Variants in ARHGAP28 observed in about 807,000 individuals in gnomAD.
ARHGAP28 encodes rho GTPase-activating protein 28.
In ARHGAP28, 56 loss-of-function variants were observed where a neutral mutation model predicts 90.7. That is an observed-to-expected ratio of 0.62 (90% CI 0.50 to 0.77). The LOEUF is 0.77. ARHGAP28 is among the 30% of genes least tolerant of loss of function. The pLI, the probability that ARHGAP28 is intolerant of heterozygous loss-of-function variation, is 0.00. For missense variants in ARHGAP28, 869 were observed against 900.9 expected, an observed-to-expected ratio of 0.96 and a Z score of 0.45; for synonymous variants, 308 against 323.3, an observed-to-expected ratio of 0.95 and a Z score of 0.51.
At chr18:6,897,243 T>C (rs1049348722) in intron 16 of ARHGAP28, 2 of 152,250 alleles carry the variant, frequency 1.3e-5, no homozygotes, top group Admixed American at 6.5e-5. Context: ...AATGAAAATA[T>C]AGCAAGTTAG....
intron 14 of ARHGAP28, among the ~76,000 whole-genome samples, chr18:6,892,186 T>A (rs2057271417): frequency 1.3e-5 from 2 of 152,210 alleles, no homozygotes; most frequent in Non-Finnish European, 2.9e-5. Context: ...TCAGTGTGTT[T>A]GAGTATATTC....
intron 1 of ARHGAP28, chr18:6,788,987 G>C (rs994592054): frequency 5.9e-5 from 9 of 152,156 alleles, no homozygotes; most frequent in African/African-American, 2.2e-4. Context: ...AAGGAGTAAT[G>C]ACATTTGAAT....
chr18:6,824,057 C>T (rs543528545), intron 1 of ARHGAP28, among the ~76,000 whole-genome samples: 1 of 152,264 alleles, frequency 6.6e-6, no homozygotes, highest in South Asian at 2.1e-4. Context: ...TAATAATAAC[C>T]ACCTAATGGT....
intron 1 of ARHGAP28, among the ~76,000 whole-genome samples, chr18:6,777,664 G>A (rs2056294788): frequency 6.6e-6 from 1 of 152,210 alleles, no homozygotes; most frequent in South Asian, 2.1e-4. Flanking sequence ...GGTCAAGGCT[G>A]CAGTGATCTA....
At chr18:6,794,140 A>G (rs531091965) in intron 1 of ARHGAP28, among the ~76,000 whole-genome samples, 61 of 152,322 alleles carry the variant, frequency 4.0e-4, no homozygotes, top group African/African-American at 1.4e-3. Flanking sequence ...TAGCTGCCAC[A>G]TTTGTTCTGT....
intron 4 of ARHGAP28, among the ~76,000 whole-genome samples, chr18:6,855,618 A>C (rs1054334166): frequency 2.6e-5 from 4 of 152,236 alleles, no homozygotes; most frequent in African/African-American, 9.6e-5. Flanking sequence ...CTGTAACATA[A>C]ACAGGGCTGA....
chr18:6,831,331 A>G (rs1226373674), intron 2 of ARHGAP28, among the ~76,000 whole-genome samples: 1 of 152,072 alleles, frequency 6.6e-6, no homozygotes, highest in Non-Finnish European at 1.5e-5. Flanking sequence ...TTTGTCAGAT[A>G]TATGTATTGC....
chr18:6,779,583 C>A (rs1354722984), intron 1 of ARHGAP28, among the ~76,000 whole-genome samples: 1 of 152,200 alleles, frequency 6.6e-6, no homozygotes, highest in Non-Finnish European at 1.5e-5. Context: ...TACAGGTATA[C>A]CCCGATCTCC....
intron 1 of ARHGAP28, chr18:6,789,884 G>A (rs1202141586): frequency 2.0e-5 from 3 of 151,522 alleles, no homozygotes; most frequent in East Asian, 1.9e-4. Flanking sequence ...CTAAAGCACA[G>A]TGGCATGATC....
At chr18:6,820,680 T>A (rs2056620862) in intron 1 of ARHGAP28, among the ~76,000 whole-genome samples, 1 of 152,178 alleles carries the variant, frequency 6.6e-6, no homozygotes. Context: ...ATCAAAGAAT[T>A]GTAACTGACT....
intron 16 of ARHGAP28, among the ~76,000 whole-genome samples, chr18:6,905,040 G>C (rs1182378366): frequency 6.6e-6 from 1 of 151,666 alleles, no homozygotes; most frequent in Non-Finnish European, 1.5e-5. Context: ...ATAGAAGAAG[G>C]AGGAATGCTC....
chr18:6,858,907 A>G (rs1783137693), intron 4 of ARHGAP28, among the ~76,000 whole-genome samples: 1 of 152,190 alleles, frequency 6.6e-6, no homozygotes, highest in Non-Finnish European at 1.5e-5. Flanking sequence ...TTGTAAAATA[A>G]TGTATAGTAT....
intron 1 of ARHGAP28, among the ~76,000 whole-genome samples, chr18:6,816,562 G>A (rs996651177): frequency 6.6e-6 from 1 of 152,118 alleles, no homozygotes; most frequent in Non-Finnish European, 1.5e-5. Flanking sequence ...GACAAATAAT[G>A]GAGAACTCAA....
At chr18:6,798,050 T>G (rs536181686) in intron 1 of ARHGAP28, among the ~76,000 whole-genome samples, 1 of 124,110 alleles carries the variant, frequency 8.1e-6, no homozygotes, top group East Asian at 2.2e-4. Flanking sequence ...AAATTCAGTT[T>G]TTTAGAACAC....
At chr18:6,816,792 A>G (rs1029634763) in intron 1 of ARHGAP28, among the ~76,000 whole-genome samples, 8 of 152,234 alleles carry the variant, frequency 5.3e-5, no homozygotes, top group Middle Eastern at 3.4e-3. Context: ...TACAATTGAG[A>G]ATCATTCTGT....
intron 1 of ARHGAP28, among the ~76,000 whole-genome samples, chr18:6,775,721 C>T (rs1346804747): frequency 6.6e-6 from 1 of 152,102 alleles, no homozygotes; most frequent in Non-Finnish European, 1.5e-5. Flanking sequence ...ACTGAATTTG[C>T]ATTATATTTA....
chr18:6,779,528 G>T (rs141986040), intron 1 of ARHGAP28, among the ~76,000 whole-genome samples: 1 of 152,264 alleles, frequency 6.6e-6, no homozygotes, highest in East Asian at 1.9e-4. Flanking sequence ...TTTCCATTTT[G>T]ATTTCATCAG....
chr18:6,757,967 G>A (rs2056125720), intron 1 of ARHGAP28, among the ~76,000 whole-genome samples: 1 of 152,152 alleles, frequency 6.6e-6, no homozygotes, highest in Non-Finnish European at 1.5e-5. Context: ...CTGAGACTTG[G>A]CCTCAGCATT....
At chr18:6,750,065 G>T (rs1362135742) in intron 1 of ARHGAP28, among the ~76,000 whole-genome samples, 1 of 152,106 alleles carries the variant, frequency 6.6e-6, no homozygotes, top group South Asian at 2.1e-4. Context: ...AAACTCCCAT[G>T]CCTTACTGGG....
Sources: gnomAD v4.1 joint callset for allele counts (sites outside exome capture counted in the v4.1 genomes callset) on GRCh38, gnomAD v4.1.1 for gene constraint, MANE v1.5 for transcripts, NCBI Gene and HGNC (gene_info 2026-07-23, HGNC 2026-07-21) for gene names.